Variants in CETN3 observed in about 807,000 individuals in gnomAD.
CETN3 encodes centrin-3.
A neutral mutation model predicts 20.1 loss-of-function variants in CETN3; 17 were observed. The ratio of observed to expected loss-of-function variants is 0.85; its 90% CI spans 0.58 to 1.27. The LOEUF (loss-of-function observed/expected upper bound fraction) is 1.27, where lower values mean the gene tolerates loss of function less well. CETN3 is among the 50% of genes most tolerant of loss of function. The pLI, the probability that CETN3 is intolerant of heterozygous loss-of-function variation, is 0.00. For synonymous variants in CETN3, 52 were observed against 59.7 expected, an observed-to-expected ratio of 0.87 and a Z score of 0.59; for missense variants, 169 against 191.2, an observed-to-expected ratio of 0.88 and a Z score of 0.69.
At chr5:90,407,592 C>A (rs1424644201) in intron 2 of CETN3, 107 bp downstream of exon 2, 1 of 838,160 alleles carries the variant, frequency 1.2e-6, no homozygotes, top group African/African-American at 1.8e-5. Context: ...CTTCATAGTT[C>A]CAAAACCAAT....
chr5:90,399,153 A>C (rs1421762718), intron 4 of CETN3: 1 of 600,032 alleles, frequency 1.7e-6, no homozygotes, highest in Non-Finnish European at 2.9e-6. Flanking sequence ...ACCTTCAGAG[A>C]AAAGTGAAGG....
In CETN3 at chr5:90,409,581, A is replaced by C; in HGVS notation, c.17+64T>G. ...CTCGGCCCCAAACGTCCTCCCTTCCACACACACCCTCCCTGGGCCCCGCTC... is the reference window on the plus strand; with the variant it reads ...CTCGGCCCCAAACGTCCTCCCTTCCCCACACACCCTCCCTGGGCCCCGCTC... On this transcript the variant is annotated intron_variant, in intron 1 of 4. Transcript: ENST00000283122. 5 of 1,597,706 alleles carry C rather than the reference A, an allele frequency of 3.1e-6. No homozygotes were observed. In the South Asian group the frequency reaches 4.4e-5, roughly 14 times the overall value.
At chr5:90,404,015 C>A (rs1404084046) in intron 3 of CETN3, among the ~76,000 whole-genome samples, 1 of 150,876 alleles carries the variant, frequency 6.6e-6, no homozygotes, top group African/African-American at 2.4e-5. Flanking sequence ...AAAATATACA[C>A]AAAGTCTATT....
At chr5:90,396,086 A>T (rs1462671284) in intron 4 of CETN3, 13 of 956,486 alleles carry the variant, frequency 1.4e-5, no homozygotes, top group Non-Finnish European at 1.6e-5. Context: ...GTAAATCATT[A>T]CTTGGGCTCT....
intron 3 of CETN3, among the ~76,000 whole-genome samples, chr5:90,400,819 A>C (rs548392144): frequency 6.6e-6 from 1 of 152,176 alleles, no homozygotes; most frequent in Non-Finnish European, 1.5e-5. Flanking sequence ...CAAGTAACTA[A>C]TTGAAGTATA....
chr5:90,405,851 T>C, intron 2 of CETN3, 52 bp from the exon 3 acceptor site: 2 of 1,107,706 alleles, frequency 1.8e-6, no homozygotes, highest in Non-Finnish European at 1.3e-6. Context: ...TACAAAAGAA[T>C]TTCTAATTAT....
chr5:90,407,965 G>A (rs1749500484), intron 1 of CETN3, 131 bp from the exon 2 acceptor site: 1 of 692,396 alleles, frequency 1.4e-6, no homozygotes, highest in Non-Finnish European at 2.2e-6. Context: ...TTCCCTTTAT[G>A]AGTCAATGAC....
chr5:90,396,692 C>A (rs1416195417), intron 4 of CETN3: 6 of 612,964 alleles, frequency 9.8e-6, no homozygotes, highest in Admixed American at 4.0e-5. Flanking sequence ...AGATCTAGAA[C>A]TTTTTCTTGA....
At chr5:90,408,378 T>A (rs1268444995) in intron 1 of CETN3, among the ~76,000 whole-genome samples, 1 of 152,258 alleles carries the variant, frequency 6.6e-6, no homozygotes, top group Non-Finnish European at 1.5e-5. Flanking sequence ...GTTTTTAGAT[T>A]ACACGTTTTT....
chr5:90,399,596 A>G (rs1399874798), intron 3 of CETN3, 47 bp from the exon 4 acceptor site: 3 of 1,428,390 alleles, frequency 2.1e-6, no homozygotes, highest in Admixed American at 3.5e-5. Flanking sequence ...CATAATCACA[A>G]AGGCATTCAT....
rs1180587137 is a variant in CETN3, at chr5:90,396,011, C to T, written c.461-1904G>A. 1.8e-5 allele frequency: 16 copies of T among 889,282 alleles called. No homozygotes were observed. The African/African-American group carries it at 2.7e-4, about 15-fold the overall frequency. 55.1% of individuals were successfully genotyped at this position (889,282 alleles called of 1,614,324 possible). On this transcript the variant is annotated intron_variant, in intron 4 of 4. Coordinates refer to ENST00000283122, the MANE Select transcript of CETN3 (RefSeq NM_004365.4). ...TTTATTATTAAAACAAAGACCAAAT[C>T]AGTGTTGAAAAAAAATCCTTCACAA...
chr5:90,404,542 A>G (rs537448486), intron 3 of CETN3, among the ~76,000 whole-genome samples: 71 of 152,328 alleles, frequency 4.7e-4, no homozygotes, highest in African/African-American at 1.3e-3. Flanking sequence ...AATGTCCCCA[A>G]TGGACAAGTT....
intron 1 of CETN3, among the ~76,000 whole-genome samples, chr5:90,409,099 G>T (rs1417448067): frequency 6.6e-6 from 1 of 152,134 alleles, no homozygotes; most frequent in Non-Finnish European, 1.5e-5. Context: ...TTAGAGGTTA[G>T]AACTGAAAGG....
intron 4 of CETN3, among the ~76,000 whole-genome samples, chr5:90,394,559 TATA>T (rs943000291): frequency 3.3e-5 from 5 of 151,892 alleles, no homozygotes; most frequent in Non-Finnish European, 7.4e-5. Flanking sequence ...AGAATGAAAA[TATA>T]ATAAAATTAT....
At chr5:90,397,842 T>A (rs1345025053) in intron 4 of CETN3, among the ~76,000 whole-genome samples, 1 of 152,154 alleles carries the variant, frequency 6.6e-6, no homozygotes, top group Non-Finnish European at 1.5e-5. Context: ...TATATATGCA[T>A]CTATTATACA....
intron 4 of CETN3, among the ~76,000 whole-genome samples, chr5:90,397,910 T>A (rs1016065999): frequency 3.3e-5 from 5 of 152,162 alleles, no homozygotes; most frequent in Non-Finnish European, 5.9e-5. Flanking sequence ...TTAAGTGACA[T>A]AATTAATGCT....
Position 90,394,143 on chromosome 5 carries a change from T to C in CETN3, c.461-36A>G, listed in dbSNP as rs754011538. Reference sequence around the variant, plus strand: ...AAAGAAAATGAAATAGTCAGAAATATAAACATTTTATTTTTTCAGAATCCA... The same window carrying C: ...AAAGAAAATGAAATAGTCAGAAATACAAACATTTTATTTTTTCAGAATCCA... On this transcript the variant is annotated intron_variant, in intron 4 of 4. Coordinates refer to ENST00000283122, the MANE Select transcript of CETN3 (RefSeq NM_004365.4). 37 of 1,389,450 alleles carry C rather than the reference T, an allele frequency of 2.7e-5. No individual in the cohort carries two copies. The Admixed American group carries it at 2.9e-4, about 11-fold the overall frequency. The allele number at this position is 1,389,450 out of a possible 1,614,324, so 86.1% of individuals were successfully genotyped here. A position where few individuals can be genotyped will look rare whatever the true frequency, so the allele number is the denominator to read the frequency against.
At position 90,409,742 on chromosome 5, in the gene CETN3, A is replaced by G. The variant is rs1272079977; in HGVS notation, c.-81T>C. The G allele has an allele frequency of 3.2e-6, 5 of 1,539,538 alleles. No homozygotes were observed. The highest frequency in any genetic ancestry group is 1.7e-4 in the Middle Eastern group (1 of 5,938). On this transcript the variant is annotated 5_prime_UTR_variant, in exon 1 of 5. Transcript: ENST00000283122. ...GCAGCAAGACGCCCACAGCCGTTCA[A>G]CAGACACGAACGACCTCAGCGGCCT...
At chr5:90,409,120 C>A (rs1749549537) in intron 1 of CETN3, among the ~76,000 whole-genome samples, 1 of 152,106 alleles carries the variant, frequency 6.6e-6, no homozygotes, top group African/African-American at 2.4e-5. Flanking sequence ...TAAAAAAATG[C>A]AAGAAATTTA....
Sources: allele counts gnomAD v4.1 joint callset (sites outside exome capture counted in the v4.1 genomes callset), GRCh38; gene constraint gnomAD v4.1.1; transcripts MANE v1.5; gene names NCBI Gene and HGNC (gene_info 2026-07-23, HGNC 2026-07-21).